The following SLC2A12 variants were observed in gnomAD, a reference collection of about 807,000 sequenced individuals.
SLC2A12 encodes the protein solute carrier family 2, facilitated glucose transporter member 12.
A neutral mutation model predicts 41.8 loss-of-function variants in SLC2A12; 23 were observed. That is an observed-to-expected ratio of 0.55 (90% confidence interval 0.40 to 0.78). The LOEUF is 0.78. Ranked by LOEUF, SLC2A12 falls within the 30% of genes least tolerant of loss-of-function variation. SLC2A12 has a pLI of 0.00. For missense variants in SLC2A12, 654 were observed against 745.6 expected, an observed-to-expected ratio of 0.88 and a Z score of 1.43; for synonymous variants, 295 against 285.9, an observed-to-expected ratio of 1.03 and a Z score of -0.32.
At chr6:134,002,907 G>A (rs897407486) in intron 3 of SLC2A12, among the ~76,000 whole-genome samples, 1 of 149,498 alleles carries the variant, frequency 6.7e-6, no homozygotes, top group Non-Finnish European at 1.5e-5. Flanking sequence ...TTGTAGTCAT[G>A]GACCAAGTCA....
Position 134,044,803 on chromosome 6 carries a change from T to G in SLC2A12, c.103+7575A>C, listed in dbSNP as rs73552756. Among the ~76,000 whole-genome samples, 465 of 151,718 alleles carry G rather than the reference T, an allele frequency of 3.1e-3. 1 individual carries two copies. The highest frequency in any genetic ancestry group is 0.011 in the African/African-American group (442 of 41,390). ...AGCACTGTGCCTCTCATGTAGTAGG[T>G]GCCCAATATGTATTTGCAGAAGTAA... On this transcript the variant is annotated intron_variant, in intron 1 of 4. Transcript: ENST00000275230.
In SLC2A12 at chr6:134,015,600, G is replaced by C. The variant is rs147612074; in HGVS notation, c.1445-8666C>G. On this transcript the variant is annotated intron_variant, in intron 2 of 4. Transcript: ENST00000275230. ...GAATGGTGGAAGAGGAAGATGAGCA[G>C]AGAAAAAGCCTTTGACTGTGGTGGT... Among the ~76,000 whole-genome samples the C allele has an allele frequency of 1.6e-4, 25 of 152,360 alleles. No individual in the cohort carries two copies. The East Asian group carries it at 4.8e-3, about 29-fold the overall frequency.
intron 4 of SLC2A12, among the ~76,000 whole-genome samples, chr6:133,992,130 G>A (rs1408809285): frequency 1.3e-5 from 2 of 152,176 alleles, no homozygotes; most frequent in Non-Finnish European, 2.9e-5. Context: ...GGTATCTGGA[G>A]GGAAATCTGA....
chr6:134,034,072 CA>C (rs1777260048), intron 1 of SLC2A12, among the ~76,000 whole-genome samples: 1 of 152,160 alleles, frequency 6.6e-6, no homozygotes, highest in Admixed American at 6.5e-5. Flanking sequence ...TATAATTCTT[CA>C]GAGACATTAA....
chr6:134,042,031 T>C lies in SLC2A12; in HGVS notation c.103+10347A>G, dbSNP rs139725036. Among the ~76,000 whole-genome samples, 335 of 152,354 alleles carry C rather than the reference T, an allele frequency of 2.2e-3. 5 individuals carry two copies. The highest frequency in any genetic ancestry group is 0.02 in the Admixed American group (308 of 15,304). Reference sequence around the variant, plus strand: ...AAAATAGTAAAAGATGTATCTGTACTTCTCAATTTCAAATGTATATAAATG... The same window carrying C: ...AAAATAGTAAAAGATGTATCTGTACCTCTCAATTTCAAATGTATATAAATG... On this transcript the variant is annotated intron_variant, in intron 1 of 4. Transcript: ENST00000275230.
Position 134,052,471 on chromosome 6 carries a change from C to T in SLC2A12, c.10G>A (p.Val4Ile), listed in dbSNP as rs1180707069. The T allele has an allele frequency of 6.2e-7, 1 of 1,613,172 alleles. No individual in the cohort carries two copies. ...AGACTGGGGCCCTCGGTGTTTTCAACAGGTACCATGGTCACGTAGAAGTTA... is the reference window on the plus strand; with the variant it reads ...AGACTGGGGCCCTCGGTGTTTTCAATAGGTACCATGGTCACGTAGAAGTTA... MVP[V>I]ENTEGPSLLN... Residue 4 changes from valine (V) to isoleucine (I), a missense_variant, in exon 1 of 5, where the codon GTT becomes ATT. Physicochemically the swap from Val to Ile is conservative, Grantham distance 29. Transcript: ENST00000275230.
intron 2 of SLC2A12, among the ~76,000 whole-genome samples, chr6:134,023,844 T>C (rs534213909): frequency 7.9e-5 from 12 of 152,198 alleles, no homozygotes; most frequent in South Asian, 6.2e-4. Context: ...CAGTCACGTG[T>C]ATTCTCTCTT....
Position 133,991,145 on chromosome 6 carries a change from G to A in SLC2A12, c.*10C>T. 2 of 1,609,754 alleles carry A rather than the reference G, an allele frequency of 1.2e-6. No individual in the cohort carries two copies. Among genetic ancestry groups the A allele is most frequent in the Non-Finnish European group, 1.7e-6 (2 of 1,178,800 alleles). On this transcript the variant is annotated 3_prime_UTR_variant, in exon 5 of 5. Coordinates refer to ENST00000275230, the MANE Select transcript of SLC2A12 (RefSeq NM_145176.3). The stretch of plus-strand genomic sequence containing the variant: ...CTGGCACTATCCACGTTCAGAAGGT[G>A]TTGAGGCCATTAGGTCTCTGGAGAA...
chr6:134,020,616 T>C (rs1334412382), intron 2 of SLC2A12, among the ~76,000 whole-genome samples: 1 of 152,058 alleles, frequency 6.6e-6, no homozygotes. Context: ...AGAAAAAAAA[T>C]GGAGAATTAT....
At chr6:134,006,029 G>A (rs898238269) in intron 3 of SLC2A12, among the ~76,000 whole-genome samples, 1 of 151,690 alleles carries the variant, frequency 6.6e-6, no homozygotes, top group Non-Finnish European at 1.5e-5. Flanking sequence ...AAAATTAGCT[G>A]GGTGTGATGC....
chr6:134,029,191 T>C lies in SLC2A12; in HGVS notation c.634A>G (p.Ile212Val), dbSNP rs1277812733. The C allele has an allele frequency of 5.6e-6, 9 of 1,614,130 alleles. No homozygotes were observed. Among genetic ancestry groups the C allele is most frequent in the African/African-American group, 1.3e-5 (1 of 75,054 alleles). Reference protein sequence around the residue: ...LVIPLGVLQAIAMYFLPPSPR... With the variant: ...LVIPLGVLQAVAMYFLPPSPR... ...CTTGGAGGAAGAAAATACATTGCAATTGCTTGCAAAACTCCCAAGGGAATC... is the reference window on the plus strand; with the variant it reads ...CTTGGAGGAAGAAAATACATTGCAACTGCTTGCAAAACTCCCAAGGGAATC... Residue 212 changes from isoleucine to valine, a missense_variant, in exon 2 of 5, where the codon ATT (isoleucine) becomes GTT (valine). By Grantham distance (29) the Ile-to-Val change is conservative. This residue lies in a region of SLC2A12 where 411 missense variants were observed against 412.1 expected (regional missense o/e 1.00). Coordinates refer to ENST00000275230, the MANE Select transcript of SLC2A12 (RefSeq NM_145176.3).
chr6:134,034,177 T>C (rs2114489865), intron 1 of SLC2A12, among the ~76,000 whole-genome samples: 1 of 152,320 alleles, frequency 6.6e-6, no homozygotes, highest in East Asian at 1.9e-4. Context: ...TATCTTCCTG[T>C]CTCTGGGCAA....
intron 2 of SLC2A12, among the ~76,000 whole-genome samples, chr6:134,009,699 G>A (rs908898502): frequency 2.4e-5 from 3 of 122,534 alleles, no homozygotes; most frequent in African/African-American, 1.1e-4. Flanking sequence ...AATAAAATAA[G>A]CCAGGTGTGG....
intron 1 of SLC2A12, 78 bp from the exon 2 acceptor site, chr6:134,029,799 A>AC (rs1777177097): frequency 1.3e-6 from 2 of 1,497,848 alleles, no homozygotes; most frequent in Admixed American, 2.2e-5. Flanking sequence ...CGGAGATTTA[A>AC]CCTTGTAGAA....
At chr6:133,999,678 C>T (rs549284161) in intron 4 of SLC2A12, among the ~76,000 whole-genome samples, 2 of 152,280 alleles carry the variant, frequency 1.3e-5, no homozygotes, top group African/African-American at 4.8e-5. Context: ...TGATCAAGTC[C>T]CATGTGATTG....
intron 1 of SLC2A12, among the ~76,000 whole-genome samples, chr6:134,035,151 C>CAAAAAAAAAA (rs71003662): frequency 1.9e-5 from 2 of 107,910 alleles, no homozygotes; most frequent in African/African-American, 3.3e-5. Flanking sequence ...GGCTGCCTGA[C>CAAAAAAAAAA]AAAAAAAAAA....
At chr6:134,003,596 T>C (rs1369207307) in intron 3 of SLC2A12, among the ~76,000 whole-genome samples, 1 of 152,172 alleles carries the variant, frequency 6.6e-6, no homozygotes, top group Admixed American at 6.5e-5. Context: ...CCCTTCTCCG[T>C]GACAGCCATT....
At chr6:134,000,561 C>T (rs1008766522) in intron 4 of SLC2A12, among the ~76,000 whole-genome samples, 1 of 152,174 alleles carries the variant, frequency 6.6e-6, no homozygotes, top group Non-Finnish European at 1.5e-5. Flanking sequence ...GTAGTTTCCT[C>T]CCATTATATT....
chr6:134,028,915 C>T lies in SLC2A12; in HGVS notation c.910G>A (p.Val304Ile), dbSNP rs1485151783. The T allele has an allele frequency of 8.1e-6, 13 of 1,614,096 alleles. No homozygotes were observed. The highest frequency in any genetic ancestry group is 1.1e-5 in the Non-Finnish European group (13 of 1,180,044). ...CTTTGAAATCCAACTGACTTCAAAA[C>T]AGTTGATGCATAGAACAATATGTTT... ...QPNILFYAST[V>I]LKSVGFQSNE... The change falls in exon 2 of 5, where the codon GTT (valine) becomes ATT (isoleucine). Residue 304 changes from valine (V) to isoleucine (I), a missense_variant. Physicochemically the swap from Val to Ile is conservative, Grantham distance 29. Around this residue, in one of 3 missense-constraint regions of SLC2A12, gnomAD observed 411 missense variants for 412.1 expected, o/e 1.00. Coordinates refer to ENST00000275230, the MANE Select transcript of SLC2A12 (RefSeq NM_145176.3).
Sources: allele counts gnomAD v4.1 joint callset (sites outside exome capture counted in the v4.1 genomes callset), GRCh38; gene constraint gnomAD v4.1.1; regional missense constraint gnomAD v4.1.1; transcripts MANE v1.5; gene names NCBI Gene and HGNC (gene_info 2026-07-23, HGNC 2026-07-21).